The following NUP210 variants were observed in gnomAD, a reference collection of about 807,000 sequenced individuals.
NUP210 encodes the protein nuclear pore membrane glycoprotein 210.
A neutral mutation model predicts 196.0 loss-of-function variants in NUP210; 151 were observed. The observed-to-expected ratio is 0.77, with a 90% CI of 0.67 to 0.88. The LOEUF is 0.88. Among genes scored for constraint, NUP210 ranks in the 40% least tolerant of loss-of-function variants. The pLI is 0.00. For synonymous variants in NUP210, 1,070 were observed against 1,052.7 expected, an observed-to-expected ratio of 1.02 and a Z score of -0.32; for missense variants, 2,314 against 2,493.7, an observed-to-expected ratio of 0.93 and a Z score of 1.53.
intron 8 of NUP210, among the ~76,000 whole-genome samples, chr3:13,378,685 T>A (rs553086256): frequency 6.6e-6 from 1 of 152,322 alleles, no homozygotes; most frequent in East Asian, 1.9e-4. Flanking sequence ...CCGGTTCTGT[T>A]TCTCTCCTTG....
In NUP210 at chr3:13,420,153, G is replaced by T; in HGVS notation, c.74C>A (p.Ala25Glu). 7.7e-7 allele frequency: 1 copy of T among 1,302,768 alleles called. No individual in the cohort carries two copies. The highest frequency in any genetic ancestry group is 2.1e-4 in the Middle Eastern group (1 of 4,738). The allele number at this position is 1,302,768 out of a possible 1,614,324, so 80.7% of individuals were successfully genotyped here. A position where few individuals can be genotyped will look rare whatever the true frequency, so the allele number is the denominator to read the frequency against. The change falls in exon 1 of 40, where the codon GCG becomes GAG. Residue 25 changes from alanine (A) to glutamate (E), a missense_variant. Transcript: ENST00000254508. This position sits in a 1 kb window ranked among gnomAD's most constrained non-coding sequence, Gnocchi z 4.8. ...CACTTTGGGGATGTTGAGCTTGGCC[G>T]CAGCGGCGGAGGGGCCCGCCGCCAA... ...VLLAAGPSAAAAKLNIPKVLL... is the reference protein window; with the variant it reads ...VLLAAGPSAAEAKLNIPKVLL...
At chr3:13,331,741 G>C (rs1474413379) in intron 29 of NUP210, among the ~76,000 whole-genome samples, 1 of 152,150 alleles carries the variant, frequency 6.6e-6, no homozygotes, top group African/African-American at 2.4e-5. Flanking sequence ...TCTCCCGCTT[G>C]GCAACTGCCA....
intron 29 of NUP210, among the ~76,000 whole-genome samples, 190 bp downstream of exon 29, chr3:13,332,103 G>C (rs1486422060): frequency 6.6e-6 from 1 of 152,180 alleles, no homozygotes; most frequent in African/African-American, 2.4e-5. Flanking sequence ...CCCACAGTGA[G>C]AAGTGATTTC....
chr3:13,416,083 T>C (rs992002352), intron 1 of NUP210, among the ~76,000 whole-genome samples: 1 of 152,116 alleles, frequency 6.6e-6, no homozygotes, highest in African/African-American at 2.4e-5. Context: ...ACCAGTGCCC[T>C]CCCTGGCCCT....
In NUP210 at chr3:13,317,498, T is replaced by G. The variant is rs1210730167; in HGVS notation, c.*183A>C. The stretch of plus-strand genomic sequence containing the variant: ...AAAACACACATTTAAAACTCCTACA[T>G]AAAATGAGCTAATGGGCAGAGCCGA... On this transcript the variant is annotated 3_prime_UTR_variant, in exon 40 of 40. Coordinates refer to ENST00000254508, the MANE Select transcript of NUP210 (RefSeq NM_024923.4). 3.2e-5 allele frequency: 19 copies of G among 591,454 alleles called. No individual in the cohort carries two copies. Among genetic ancestry groups the G allele is most frequent in the Non-Finnish European group, 5.4e-5 (18 of 331,974 alleles). 36.6% of individuals were successfully genotyped at this position (591,454 alleles called of 1,614,324 possible).
Position 13,317,552 on chromosome 3 carries a change from G to C in NUP210, c.*129C>G. 1.4e-6 allele frequency: 1 copy of C among 709,962 alleles called. No homozygotes were observed. The highest frequency in any genetic ancestry group is 2.5e-6 in the Non-Finnish European group (1 of 400,630). 44.0% of individuals were successfully genotyped at this position (709,962 alleles called of 1,614,324 possible). On this transcript the variant is annotated 3_prime_UTR_variant, in exon 40 of 40. Coordinates refer to ENST00000254508, the MANE Select transcript of NUP210 (RefSeq NM_024923.4). ...TACAGCTCTGTGTGAAGAGACGGCA[G>C]TGAAGCTGGCCTGGGGCCGGGGCAC...
At chr3:13,339,006 C>CTT (rs1697345562) in intron 25 of NUP210, among the ~76,000 whole-genome samples, 1 of 152,206 alleles carries the variant, frequency 6.6e-6, no homozygotes, top group Admixed American at 6.5e-5. Flanking sequence ...AAAAAAACCA[C>CTT]AGAGTCTCCT....
intron 14 of NUP210, 82 bp downstream of exon 14, chr3:13,365,864 C>G: frequency 6.8e-7 from 1 of 1,464,042 alleles, no homozygotes; most frequent in South Asian, 1.2e-5. Flanking sequence ...GTTTATCATG[C>G]AAATTCGTCA....
Position 13,340,627 on chromosome 3 carries a change from G to A in NUP210, c.3229-329C>T, listed in dbSNP as rs928267810. 4.6e-5 allele frequency among the ~76,000 whole-genome samples: 7 copies of A among 152,190 alleles called. No homozygotes were observed. Among genetic ancestry groups the A allele is most frequent in the Non-Finnish European group, 8.8e-5 (6 of 68,022 alleles). On this transcript the variant is annotated intron_variant, in intron 23 of 39. Transcript: ENST00000254508. This position sits in a 1 kb window ranked among gnomAD's most constrained non-coding sequence, Gnocchi z 4.0. Reference sequence around the variant, plus strand: ...CATCCCCTTAGAGCAGCGGTTCTCAGTGTGTGGTCACTAAGCAGCAATGTC... The same window carrying A: ...CATCCCCTTAGAGCAGCGGTTCTCAATGTGTGGTCACTAAGCAGCAATGTC...
Position 13,348,426 on chromosome 3 carries a change from G to A in NUP210, c.2835+3453C>T, listed in dbSNP as rs1335185103. On this transcript the variant is annotated intron_variant, in intron 20 of 39. Transcript: ENST00000254508. The surrounding 1 kb of genome is among the most constrained non-coding windows in gnomAD (Gnocchi z 4.0). The stretch of plus-strand genomic sequence containing the variant: ...TGACAGGTGCAAGGTAAATGTGAAT[G>A]AGAGTGTGCCTCGGTTTCACTGGCA... 27 of 985,320 alleles carry A rather than the reference G, an allele frequency of 2.7e-5. No homozygotes were observed. Among genetic ancestry groups the A allele is most frequent in the Non-Finnish European group, 3.0e-5 (25 of 829,934 alleles). The allele number at this position is 985,320 out of a possible 1,614,324, so 61.0% of individuals were successfully genotyped here. A position where few individuals can be genotyped will look rare whatever the true frequency, so the allele number is the denominator to read the frequency against.
intron 26 of NUP210, 88 bp from the exon 27 acceptor site, chr3:13,337,006 G>T (rs1458670936): frequency 6.6e-7 from 1 of 1,525,440 alleles, no homozygotes; most frequent in Non-Finnish European, 9.0e-7. Flanking sequence ...CAAGCAGTGG[G>T]AGATGAACCC....
At chr3:13,419,902 C>T (rs1342752833) in intron 1 of NUP210, among the ~76,000 whole-genome samples, 158 bp downstream of exon 1, 1 of 150,686 alleles carries the variant, frequency 6.6e-6, no homozygotes. Context: ...TGGTGGCGAC[C>T]CACGCGCACC....
At position 13,333,385 on chromosome 3, in the gene NUP210, C is replaced by T. The variant is rs145029021; in HGVS notation, c.3844-1001G>A. On this transcript the variant is annotated intron_variant, in intron 28 of 39. Transcript: ENST00000254508. ...AGCTGTGCCCTGAGCTCTCCACTGG[C>T]CTCTGATCAGACCAGGTGGACACCC... 1.5e-4 allele frequency among the ~76,000 whole-genome samples: 23 copies of T among 152,348 alleles called. 1 individual carries two copies. The East Asian group carries it at 4.2e-3, about 28-fold the overall frequency.
intron 1 of NUP210, among the ~76,000 whole-genome samples, chr3:13,419,446 T>C (rs1434995534): frequency 6.6e-6 from 1 of 152,084 alleles, no homozygotes; most frequent in Non-Finnish European, 1.5e-5. Context: ...GGGAGGGTGA[T>C]GGAAATGCCC....
At chr3:13,336,491 G>C (rs2124852369) in intron 27 of NUP210, among the ~76,000 whole-genome samples, 2 of 152,304 alleles carry the variant, frequency 1.3e-5, no homozygotes, top group Middle Eastern at 6.8e-3. Flanking sequence ...AGGGCTGCCA[G>C]GCATCATCTC....
At chr3:13,342,272 T>C (rs1697541880) in intron 21 of NUP210, 149 bp from the exon 22 acceptor site, 1 of 917,116 alleles carries the variant, frequency 1.1e-6, no homozygotes, top group Non-Finnish European at 1.6e-6. Context: ...TTCTGGACTA[T>C]CAGCCAGTCA....
rs370745229 is a variant in NUP210 at position 13,350,794 on chromosome 3, C to T, written c.2835+1085G>A. The stretch of plus-strand genomic sequence containing the variant: ...CTGCAAGCTCCACCCGCTGGGTTCA[C>T]GCCATCTCCTGCCTCAGCCTCCCGA... On this transcript the variant is annotated intron_variant, in intron 20 of 39. Transcript: ENST00000254508. The surrounding 1 kb of genome is among the most constrained non-coding windows in gnomAD (Gnocchi z 4.1). Among the ~76,000 whole-genome samples, 4 of 150,880 alleles carry T rather than the reference C, an allele frequency of 2.7e-5. No homozygotes were observed. The highest frequency in any genetic ancestry group is 4.9e-5 in the African/African-American group (2 of 40,986).
chr3:13,341,704 A>C, intron 23 of NUP210, 44 bp downstream of exon 23: 2 of 1,609,884 alleles, frequency 1.2e-6, no homozygotes, highest in Non-Finnish European at 1.7e-6. Context: ...CCCAACCCCC[A>C]GCACTGGGCT....
chr3:13,375,143 T>TC (rs59626282), intron 11 of NUP210, among the ~76,000 whole-genome samples: 1,247 of 35,310 alleles, frequency 0.035, 20 homozygotes, highest in African/African-American at 0.12. Context: ...ATTTTTTCTC[T>TC]TTTTTTTTTT....
Sources: allele counts gnomAD v4.1 joint callset (sites outside exome capture counted in the v4.1 genomes callset), GRCh38; gene constraint gnomAD v4.1.1; non-coding constraint Gnocchi (gnomAD v3.1); transcripts MANE v1.5; gene names NCBI Gene and HGNC (gene_info 2026-07-23, HGNC 2026-07-21).